The following MYZAP variants were observed in gnomAD, a reference collection of about 807,000 sequenced individuals.
MYZAP encodes the protein myocardial zonula adherens protein, also known as GRINL1A complex locus upstream.
MYZAP carries 66 observed loss-of-function variants against 69.4 expected under a neutral mutation model. That is an observed-to-expected ratio of 0.95 (90% CI 0.78 to 1.17). MYZAP has a LOEUF of 1.17. MYZAP is among the 50% of genes most tolerant of loss of function. MYZAP has a pLI of 0.00. For missense variants in MYZAP, 611 were observed against 556.2 expected (o/e 1.10, Z -0.99); for synonymous variants, 256 against 205.9 (o/e 1.24, Z -2.09).
intron 2 of MYZAP, among the ~76,000 whole-genome samples, chr15:57,611,541 TGTG>T (rs767462876): frequency 5.8e-4 from 88 of 152,274 alleles, no homozygotes; most frequent in Non-Finnish European, 1.0e-3. Flanking sequence ...GCATGGAAGC[TGTG>T]CACTAGCGGT....
chr15:57,639,670 C>T (rs1156730383), intron 10 of MYZAP, 125 bp downstream of exon 10: 2 of 1,032,142 alleles, frequency 1.9e-6, no homozygotes, highest in Non-Finnish European at 2.8e-6. Flanking sequence ...AGGCCACTGC[C>T]ATCTAGGCCC....
At chr15:57,633,252 A>G (rs1012811637) in intron 7 of MYZAP, among the ~76,000 whole-genome samples, 5 of 152,202 alleles carry the variant, frequency 3.3e-5, no homozygotes, top group Non-Finnish European at 7.3e-5. Flanking sequence ...GGAATTCTGC[A>G]TTCAATTCCA....
At chr15:57,644,172 C>G (rs1200671887) in intron 10 of MYZAP, among the ~76,000 whole-genome samples, 1 of 152,202 alleles carries the variant, frequency 6.6e-6, no homozygotes, top group Non-Finnish European at 1.5e-5. Context: ...CCCGGATTCT[C>G]AGAGCGGTGG....
chr15:57,625,773 G>T lies in MYZAP; in HGVS notation c.412-6G>T, dbSNP rs753039019. On this transcript the variant is annotated splice_polypyrimidine_tract_variant and splice_region_variant and intron_variant, in intron 4 of 12. Transcript: ENST00000267853. ...TTTTGTGTGACTGTCTCCTCGATCTGTCCAGGTTTCCCATGCTCAGCAGGA... is the reference window on the plus strand; with the variant it reads ...TTTTGTGTGACTGTCTCCTCGATCTTTCCAGGTTTCCCATGCTCAGCAGGA... 2.7e-5 allele frequency: 44 copies of T among 1,613,718 alleles called. No individual in the cohort carries two copies. The South Asian group carries it at 4.8e-4, about 18-fold the overall frequency.
intron 1 of MYZAP, among the ~76,000 whole-genome samples, chr15:57,595,429 G>A (rs2033991728): frequency 1.3e-5 from 2 of 152,144 alleles, no homozygotes; most frequent in Non-Finnish European, 2.9e-5. Flanking sequence ...TAAAAATATT[G>A]ACCTTGCTTC....
At position 57,661,067 on chromosome 15, in the gene MYZAP, A is replaced by G. The variant is rs143234745; in HGVS notation, c.1120-383A>G. Among the ~76,000 whole-genome samples the G allele has an allele frequency of 2.7e-3, 404 of 152,242 alleles. 3 individuals are homozygous for G. The highest frequency in any genetic ancestry group is 9.2e-3 in the African/African-American group (382 of 41,540). ...CAAGCCGAATAATCATTTTTTGGAGAGTTGTATCTACATTTCCCAAAGCAT... is the reference window on the plus strand; with the variant it reads ...CAAGCCGAATAATCATTTTTTGGAGGGTTGTATCTACATTTCCCAAAGCAT... On this transcript the variant is annotated intron_variant, in intron 10 of 12. Coordinates refer to ENST00000267853, the MANE Select transcript of MYZAP (RefSeq NM_001018100.5).
intron 4 of MYZAP, among the ~76,000 whole-genome samples, chr15:57,623,942 CAT>C (rs1354142895): frequency 6.6e-6 from 1 of 151,890 alleles, no homozygotes; most frequent in Admixed American, 6.6e-5. Context: ...AGAAGATAAA[CAT>C]ATCAGGATTG....
intron 4 of MYZAP, 117 bp downstream of exon 4, chr15:57,621,817 C>T (rs1462226010): frequency 1.1e-6 from 1 of 878,566 alleles, no homozygotes; most frequent in Non-Finnish European, 1.6e-6. Flanking sequence ...AATAGAATTA[C>T]ATTTTAAATA....
chr15:57,672,211 G>A (rs1164735603), intron 11 of MYZAP, among the ~76,000 whole-genome samples: 1 of 152,096 alleles, frequency 6.6e-6, no homozygotes, highest in Non-Finnish European at 1.5e-5. Context: ...CCTACTGTTA[G>A]TAGCCCTGGC....
intron 2 of MYZAP, among the ~76,000 whole-genome samples, chr15:57,616,822 C>CTGTTTTTTTTTTTTT (rs2035485710): frequency 2.0e-5 from 1 of 50,056 alleles, no homozygotes; most frequent in Non-Finnish European, 3.5e-5. Flanking sequence ...AAAAAAAGTG[C>CTGTTTTTTTTTTTTT]TTTTTTTTTT....
At chr15:57,675,896 A>T (rs747523740) in intron 12 of MYZAP, among the ~76,000 whole-genome samples, 10 of 152,318 alleles carry the variant, frequency 6.6e-5, no homozygotes, top group Middle Eastern at 6.8e-3. Flanking sequence ...AATGCCTGGT[A>T]TCGTGTGTGC....
intron 1 of MYZAP, among the ~76,000 whole-genome samples, chr15:57,603,334 T>C (rs1330199719): frequency 6.6e-6 from 1 of 152,006 alleles, no homozygotes; most frequent in Non-Finnish European, 1.5e-5. Context: ...ATTGTAGCAA[T>C]GTACTTGTGA....
intron 4 of MYZAP, among the ~76,000 whole-genome samples, chr15:57,624,311 G>A (rs1287943861): frequency 6.6e-6 from 1 of 152,178 alleles, no homozygotes; most frequent in Non-Finnish European, 1.5e-5. Flanking sequence ...TCAATTTATG[G>A]CTGGGCTGTG....
chr15:57,617,962 G>A lies in MYZAP; in HGVS notation c.163-71G>A, dbSNP rs540257138. 1,115 of 1,532,932 alleles carry A rather than the reference G, an allele frequency of 7.3e-4. 14 individuals carry two copies. In the South Asian group the frequency reaches 0.014, roughly 19 times the overall value. The allele number at this position is 1,532,932 out of a possible 1,614,324, so 95.0% of individuals were successfully genotyped here. ...CAATTTGCATAATCATACACAGTGG[G>A]CCCGTTATTACAACTGTGCATGAGG... is the stretch of plus-strand genomic sequence containing the variant. On this transcript the variant is annotated intron_variant, in intron 2 of 12. Transcript: ENST00000267853.
In MYZAP at chr15:57,633,616, G is replaced by A. The variant is rs2036635544; in HGVS notation, c.808G>A (p.Glu270Lys). 2 of 1,612,382 alleles carry A rather than the reference G, an allele frequency of 1.2e-6. 1 individual carries two copies. The highest frequency in any genetic ancestry group is 1.7e-6 in the Non-Finnish European group (2 of 1,179,276). Reference sequence around the variant, plus strand: ...GGAGGGTATATTTCTTTTGCAGGAAGAAACCAATAGTTTTCTGAAAGCGAT... The same window carrying A: ...GGAGGGTATATTTCTTTTGCAGGAAAAAACCAATAGTTTTCTGAAAGCGAT... ...HSAEKEALLEETNSFLKAIEE... is the reference protein window; with the variant it reads ...HSAEKEALLEKTNSFLKAIEE... Residue 270 changes from glutamate to lysine, a missense_variant, in exon 8 of 13, where the codon GAA becomes AAA. Transcript: ENST00000267853.
intron 1 of MYZAP, among the ~76,000 whole-genome samples, chr15:57,592,427 C>T (rs191169487): frequency 6.6e-6 from 1 of 152,160 alleles, no homozygotes; most frequent in African/African-American, 2.4e-5. Context: ...GTGCAGTGTC[C>T]CTACCTTGAG....
intron 8 of MYZAP, 99 bp from the exon 9 acceptor site, chr15:57,637,596 C>T: frequency 8.3e-6 from 11 of 1,323,614 alleles, no homozygotes; most frequent in Non-Finnish European, 1.2e-5. Flanking sequence ...CAGGGGGTGT[C>T]ATATAGACTT....
intron 11 of MYZAP, among the ~76,000 whole-genome samples, chr15:57,664,473 C>T (rs984297813): frequency 6.6e-5 from 10 of 152,162 alleles, no homozygotes; most frequent in Non-Finnish European, 1.0e-4. Context: ...CACACTCTGC[C>T]GACGCTGTTC....
At chr15:57,645,053 A>G (rs2037371799) in intron 10 of MYZAP, among the ~76,000 whole-genome samples, 1 of 152,230 alleles carries the variant, frequency 6.6e-6, no homozygotes, top group South Asian at 2.1e-4. Flanking sequence ...CTGTCTGTAC[A>G]GAAGACGTTA....
Sources: allele counts gnomAD v4.1 joint callset (sites outside exome capture counted in the v4.1 genomes callset), GRCh38; gene constraint gnomAD v4.1.1; transcripts MANE v1.5; gene names NCBI Gene and HGNC (gene_info 2026-07-23, HGNC 2026-07-21).